HSP90B1: variants seen among roughly 807,000 people sequenced by gnomAD.
The protein encoded by HSP90B1 is endoplasmin.
In HSP90B1, 27 loss-of-function variants were observed where a neutral mutation model predicts 100.4. The observed-to-expected ratio is 0.27, with a 90% CI of 0.20 to 0.37. The LOEUF is 0.37. HSP90B1 is among the 10% of genes least tolerant of loss of function. The probability of loss-of-function intolerance (pLI) is 1.00; values close to 1 mark genes in which losing one functional copy is unlikely to be tolerated. For missense variants in HSP90B1, 678 were observed against 960.5 expected (o/e 0.71, Z 3.89); for synonymous variants, 304 against 330.8 (o/e 0.92, Z 0.88).
chr12:103,947,496 C>G, intron 17 of HSP90B1, 66 bp downstream of exon 17: 1 of 1,612,832 alleles, frequency 6.2e-7, no homozygotes, highest in Non-Finnish European at 8.5e-7. Context: ...AGTTTTAGTT[C>G]TGGCAAAGTT....
At chr12:103,935,245 C>G (rs905388662) in intron 5 of HSP90B1, among the ~76,000 whole-genome samples, 3 of 152,204 alleles carry the variant, frequency 2.0e-5, no homozygotes, top group African/African-American at 7.2e-5. Flanking sequence ...TAAGATCCCT[C>G]TTAAGCCAGT....
chr12:103,946,777 G>T lies in HSP90B1; in HGVS notation c.2107-9G>T. 1 of 1,613,748 alleles carries T rather than the reference G, an allele frequency of 6.2e-7. No homozygotes were observed. Among genetic ancestry groups the T allele is most frequent in the Non-Finnish European group, 8.5e-7 (1 of 1,179,896 alleles). On this transcript the variant is annotated splice_polypyrimidine_tract_variant and intron_variant, in intron 15 of 17. Coordinates refer to ENST00000299767, the MANE Select transcript of HSP90B1 (RefSeq NM_003299.3). ...TAATATTAATCTAGTGCATCTTCTTGCATTTCAGGAAGATGAAGATGATAA... is the reference window on the plus strand; with the variant it reads ...TAATATTAATCTAGTGCATCTTCTTTCATTTCAGGAAGATGAAGATGATAA...
In HSP90B1 at chr12:103,947,290, G is replaced by A. The variant is rs773654645; in HGVS notation, c.2263-21G>A. 2.6e-6 allele frequency: 4 copies of A among 1,566,706 alleles called. No homozygotes were observed. In the African/African-American group the frequency reaches 5.5e-5, roughly 22 times the overall value. On this transcript the variant is annotated intron_variant, in intron 16 of 17. Coordinates refer to ENST00000299767, the MANE Select transcript of HSP90B1 (RefSeq NM_003299.3). ...GGAAATAAATCCAAGGCATTAATGG[G>A]CCCATAAATGTTGTGTTTAGGTGGA...
chr12:103,931,436 A>G (rs1593486521), intron 1 of HSP90B1, 85 bp from the exon 2 acceptor site: 2 of 1,007,252 alleles, frequency 2.0e-6, no homozygotes, highest in East Asian at 5.0e-5. Flanking sequence ...TACCAACTGA[A>G]TTTTGCAACC....
In HSP90B1 at chr12:103,943,885, T is replaced by G. The variant is rs753870617; in HGVS notation, c.2027+11T>G. The stretch of plus-strand genomic sequence containing the variant: ...GGACATCTCTACAAAGTAAGCATCC[T>G]CGGGAAAGTCCCTGCCAGGGCGTTG... On this transcript the variant is annotated intron_variant, in intron 14 of 17. Transcript: ENST00000299767. This position sits in a 1 kb window ranked among gnomAD's most constrained non-coding sequence, Gnocchi z 5.3. 7 of 1,610,904 alleles carry G rather than the reference T, an allele frequency of 4.3e-6. No homozygotes were observed. The highest frequency in any genetic ancestry group is 5.1e-6 in the Non-Finnish European group (6 of 1,178,542).
Position 103,930,648 on chromosome 12 carries a change from G to T in HSP90B1, c.49+84G>T, listed in dbSNP as rs532074758. On this transcript the variant is annotated intron_variant, in intron 1 of 17. Transcript: ENST00000299767. The surrounding 1 kb of genome is among the most constrained non-coding windows in gnomAD (Gnocchi z 4.4). ...GTCCTGGGGGCGTTGAACGTGGGAGGGGGGATCCCGGGGCCTGCGGTGGGC... is the reference window on the plus strand; with the variant it reads ...GTCCTGGGGGCGTTGAACGTGGGAGTGGGGATCCCGGGGCCTGCGGTGGGC... 32 of 1,346,750 alleles carry T rather than the reference G, an allele frequency of 2.4e-5. No individual in the cohort carries two copies. The South Asian group carries it at 3.1e-4, about 13-fold the overall frequency. The allele number at this position is 1,346,750 out of a possible 1,614,324, so 83.4% of individuals were successfully genotyped here. A position where few individuals can be genotyped will look rare whatever the true frequency, so the allele number is the denominator to read the frequency against.
At chr12:103,931,899 C>A in intron 2 of HSP90B1, 1 of 459,104 alleles carries the variant, frequency 2.2e-6, no homozygotes, top group Non-Finnish European at 4.0e-6. Context: ...TATTCATTAA[C>A]TGTGTACACC....
chr12:103,947,767 C>T lies in HSP90B1; in HGVS notation c.*105C>T, dbSNP rs1201339345. 2 of 966,202 alleles carry T rather than the reference C, an allele frequency of 2.1e-6. No individual in the cohort carries two copies. The highest frequency in any genetic ancestry group is 3.3e-6 in the Non-Finnish European group (2 of 598,266). The allele number at this position is 966,202 out of a possible 1,614,324, so 59.9% of individuals were successfully genotyped here. A position where few individuals can be genotyped will look rare whatever the true frequency, so the allele number is the denominator to read the frequency against. On this transcript the variant is annotated 3_prime_UTR_variant, in exon 18 of 18. Transcript: ENST00000299767. Reference sequence around the variant, plus strand: ...TGGATGCCCCCTAATCCCCTTCTCCCCTGCACTGTAAAATGTGGGATTATG... The same window carrying T: ...TGGATGCCCCCTAATCCCCTTCTCCTCTGCACTGTAAAATGTGGGATTATG...
In HSP90B1 at chr12:103,932,460, G is replaced by T. The variant is rs753477925; in HGVS notation, c.294+42G>T. On this transcript the variant is annotated intron_variant, in intron 3 of 17. Coordinates refer to ENST00000299767, the MANE Select transcript of HSP90B1 (RefSeq NM_003299.3). ...TAGAATATTTTATCTCTGTATGGTG[G>T]CATACTTGTTTACTTAAATTTGCTT... 4 of 1,530,454 alleles carry T rather than the reference G, an allele frequency of 2.6e-6. No individual in the cohort carries two copies. The East Asian group carries it at 9.2e-5, about 35-fold the overall frequency. The allele number at this position is 1,530,454 out of a possible 1,614,324, so 94.8% of individuals were successfully genotyped here. A position where few individuals can be genotyped will look rare whatever the true frequency, so the allele number is the denominator to read the frequency against.
intron 5 of HSP90B1, among the ~76,000 whole-genome samples, chr12:103,935,511 TATC>T (rs1453345940): frequency 6.6e-6 from 1 of 152,220 alleles, no homozygotes; most frequent in Admixed American, 6.5e-5. Flanking sequence ...AGCACATACT[TATC>T]ATTGTGACCA....
chr12:103,938,217 G>C, intron 6 of HSP90B1, 123 bp from the exon 7 acceptor site: 1 of 771,152 alleles, frequency 1.3e-6, no homozygotes. Context: ...TATTAGTTAA[G>C]GATACTCTCA....
chr12:103,937,920 A>G, intron 6 of HSP90B1, 114 bp downstream of exon 6: 1 of 582,372 alleles, frequency 1.7e-6, no homozygotes, highest in South Asian at 2.0e-5. Flanking sequence ...TAATCCCCGC[A>G]CTTTGGGAGG....
intron 16 of HSP90B1, 46 bp from the exon 17 acceptor site, chr12:103,947,265 G>T: frequency 6.5e-7 from 1 of 1,535,666 alleles, no homozygotes; most frequent in South Asian, 1.3e-5. Context: ...TGAGCAAAGT[G>T]GAAATAAATC....
Position 103,939,613 on chromosome 12 carries a change from A to G in HSP90B1, c.1080A>G (p.Lys360=), listed in dbSNP as rs1280223533. The part of the protein sequence containing the change: ...VEEDEYKAFY[K]SFSKESDDPM... ...AAGATGAATACAAAGCTTTCTACAA[A>G]TCATTTTCAAAGGTAAATATTTATA... Residue 360 remains lysine, a synonymous_variant, in exon 8 of 18, where the codon AAA becomes AAG. Coordinates refer to ENST00000299767, the MANE Select transcript of HSP90B1 (RefSeq NM_003299.3). 4.8e-6 allele frequency: 7 copies of G among 1,451,712 alleles called. No homozygotes were observed. In the East Asian group the frequency reaches 7.2e-5, roughly 15 times the overall value. 89.9% of individuals were successfully genotyped at this position (1,451,712 alleles called of 1,614,324 possible). A position where few individuals can be genotyped will look rare whatever the true frequency, so the allele number is the denominator to read the frequency against.
At position 103,934,088 on chromosome 12, in the gene HSP90B1, C is replaced by A. The variant is rs988217942; in HGVS notation, c.544C>A (p.Gln182Lys). Residue 182 changes from glutamine (Q) to lysine (K), a missense_variant, in exon 5 of 18, where the codon CAG (glutamine) becomes AAG (lysine). Gln to Lys is a moderately conservative substitution (Grantham distance 53). Transcript: ENST00000299767. ...GTTTTTAAACAAAATGACTGAAGCACAGGAAGATGGCCAGTCAACTTCTGA... is the reference window on the plus strand; with the variant it reads ...GTTTTTAAACAAAATGACTGAAGCAAAGGAAGATGGCCAGTCAACTTCTGA... The part of the protein sequence containing the change: ...SEFLNKMTEA[Q>K]EDGQSTSELI... 4.3e-6 allele frequency: 7 copies of A among 1,614,102 alleles called. No homozygotes were observed. The Admixed American group carries it at 1.0e-4, about 23-fold the overall frequency.
intron 11 of HSP90B1, 30 bp from the exon 12 acceptor site, chr12:103,942,492 ACTTCT>A: frequency 6.3e-7 from 1 of 1,598,196 alleles, no homozygotes; most frequent in South Asian, 1.1e-5. Context: ...TTGGAGATTA[ACTTCT>A]CTAATCAGTT....
At position 103,932,830 on chromosome 12, in the gene HSP90B1, T is replaced by G. The variant is rs1869806693; in HGVS notation, c.299T>G (p.Phe100Cys). 6.5e-7 allele frequency: 1 copy of G among 1,532,476 alleles called. No individual in the cohort carries two copies. Among genetic ancestry groups the G allele is most frequent in the Non-Finnish European group, 9.0e-7 (1 of 1,106,536 alleles). 94.9% of individuals were successfully genotyped at this position (1,532,476 alleles called of 1,614,324 possible). Residue 100 changes from phenylalanine to cysteine, a missense_variant, in exon 4 of 18, where the codon TTC (phenylalanine) becomes TGC (cysteine). Phe to Cys is a radical substitution (Grantham distance 205). This residue lies in a region of HSP90B1 where 238 missense variants were observed against 346.7 expected (regional missense o/e 0.69). Transcript: ENST00000299767. Reference sequence around the variant, plus strand: ...TTCCCTCTGGCTTCCATTTAGATTTTCCTGAGAGAACTGATTTCAAATGCT... The same window carrying G: ...TTCCCTCTGGCTTCCATTTAGATTTGCCTGAGAGAACTGATTTCAAATGCT... ...INSLYKNKEI[F>C]LRELISNASD... is the part of the protein sequence containing the mutation.
At chr12:103,942,949 C>A in intron 12 of HSP90B1, 125 bp from the exon 13 acceptor site, 1 of 1,438,680 alleles carries the variant, frequency 7.0e-7, no homozygotes, top group Non-Finnish European at 9.5e-7. Context: ...TTTATATTCT[C>A]TGAACCTCTT....
Position 103,930,538 on chromosome 12 carries a change from G to C in HSP90B1, c.23G>C (p.Gly8Ala). MRALWVL[G>A]LCCVLLTFGS... ...GCCATGAGGGCCCTGTGGGTGCTGG[G>C]CCTCTGCTGCGTCCTGCTGACCTTC... Residue 8 changes from glycine (G) to alanine (A), a missense_variant, in exon 1 of 18, where the codon GGC (glycine) becomes GCC (alanine). Gly to Ala is a moderately conservative substitution (Grantham distance 60). This residue lies in a region of HSP90B1 where 88 missense variants were observed against 88.2 expected (regional missense o/e 1.00). Coordinates refer to ENST00000299767, the MANE Select transcript of HSP90B1 (RefSeq NM_003299.3). This position sits in a 1 kb window ranked among gnomAD's most constrained non-coding sequence, Gnocchi z 4.4. The C allele has an allele frequency of 1.9e-6, 3 of 1,611,206 alleles. No individual in the cohort carries two copies. Among genetic ancestry groups the C allele is most frequent in the Non-Finnish European group, 2.5e-6 (3 of 1,178,960 alleles).
Sources: gnomAD v4.1 joint callset for allele counts (sites outside exome capture counted in the v4.1 genomes callset) on GRCh38, gnomAD v4.1.1 for gene constraint, gnomAD v4.1.1 regional missense constraint, Gnocchi (gnomAD v3.1) non-coding constraint, MANE v1.5 for transcripts, NCBI Gene and HGNC (gene_info 2026-07-23, HGNC 2026-07-21) for gene names.